The following PRORP variants were observed in gnomAD, a reference collection of about 807,000 sequenced individuals.
PRORP encodes the protein mitochondrial ribonuclease P catalytic subunit.
PRORP carries 51 observed loss-of-function variants against 59.4 expected under a neutral mutation model. The observed-to-expected ratio is 0.86, with a 90% confidence interval of 0.69 to 1.08. The LOEUF is 1.08. Ranked by LOEUF, PRORP falls within the 50% of genes least tolerant of loss-of-function variation. PRORP has a pLI of 0.00. For synonymous variants in PRORP, 231 were observed against 245.6 expected, an observed-to-expected ratio of 0.94 and a Z score of 0.55; for missense variants, 646 against 690.3, an observed-to-expected ratio of 0.94 and a Z score of 0.72.
intron 3 of PRORP, 63 bp from the exon 4 acceptor site, chr14:35,127,415 AT>A (rs771117392): frequency 3.0e-5 from 37 of 1,251,762 alleles, no homozygotes; most frequent in East Asian, 1.7e-4. Flanking sequence ...CATTTCACAA[AT>A]TTTTTTCCCC....
At chr14:35,167,298 T>C (rs954051843) in intron 4 of PRORP, among the ~76,000 whole-genome samples, 22 of 152,342 alleles carry the variant, frequency 1.4e-4, no homozygotes, top group Middle Eastern at 6.8e-3. Context: ...CATCACTGTT[T>C]TTTCTGTTTA....
intron 4 of PRORP, among the ~76,000 whole-genome samples, chr14:35,171,002 A>C (rs983569567): frequency 1.3e-5 from 2 of 152,076 alleles, no homozygotes; most frequent in Non-Finnish European, 1.5e-5. Context: ...GGCGTGTGCC[A>C]CCACACCCAG....
chr14:35,267,370 T>A (rs2051066995), intron 6 of PRORP, among the ~76,000 whole-genome samples: 1 of 152,054 alleles, frequency 6.6e-6, no homozygotes, highest in Non-Finnish European at 1.5e-5. Context: ...AAGGGATAGG[T>A]CAGAGGGTTG....
At chr14:35,257,359 A>G (rs1303773312) in intron 5 of PRORP, among the ~76,000 whole-genome samples, 1 of 152,000 alleles carries the variant, frequency 6.6e-6, no homozygotes, top group African/African-American at 2.4e-5. Flanking sequence ...ATAGCTCCTC[A>G]TTCTCCTCTC....
intron 5 of PRORP, among the ~76,000 whole-genome samples, chr14:35,227,171 C>T (rs1008091833): frequency 1.6e-4 from 24 of 151,684 alleles, no homozygotes; most frequent in South Asian, 4.2e-4. Flanking sequence ...TAGCCAGGCG[C>T]GGTGGCTCAT....
chr14:35,266,438 C>T (rs1031197296), intron 5 of PRORP, among the ~76,000 whole-genome samples: 6 of 152,126 alleles, frequency 3.9e-5, no homozygotes, highest in Admixed American at 3.3e-4. Flanking sequence ...GCTATGATTG[C>T]ACCTGTGCAC....
At chr14:35,172,734 A>AT (rs1350931670) in intron 4 of PRORP, among the ~76,000 whole-genome samples, 3 of 150,758 alleles carry the variant, frequency 2.0e-5, no homozygotes, top group Non-Finnish European at 1.5e-5. Flanking sequence ...TTTTAAGCTA[A>AT]TTTTTTTATT....
At chr14:35,256,467 G>C (rs778568632) in intron 5 of PRORP, among the ~76,000 whole-genome samples, 2 of 149,610 alleles carry the variant, frequency 1.3e-5, no homozygotes, top group African/African-American at 4.9e-5. Context: ...GAGCATCTGC[G>C]ATTACAGGCG....
chr14:35,235,747 C>G, intron 5 of PRORP: 2 of 232,662 alleles, frequency 8.6e-6, no homozygotes, highest in South Asian at 1.2e-4. Context: ...ATTCTTACAG[C>G]TGTTATTGGT....
intron 5 of PRORP, among the ~76,000 whole-genome samples, chr14:35,184,461 T>C (rs2048694312): frequency 6.6e-6 from 1 of 152,182 alleles, no homozygotes; most frequent in Non-Finnish European, 1.5e-5. Flanking sequence ...CTCAGTTGAA[T>C]TAGTTATATT....
intron 4 of PRORP, among the ~76,000 whole-genome samples, chr14:35,163,200 C>T (rs1271199719): frequency 4.6e-5 from 7 of 151,936 alleles, no homozygotes; most frequent in Admixed American, 2.0e-4. Flanking sequence ...TCCTATTACC[C>T]GTGGCTTTTA....
intron 5 of PRORP, among the ~76,000 whole-genome samples, chr14:35,203,450 C>A (rs1229376269): frequency 1.3e-5 from 2 of 152,158 alleles, no homozygotes; most frequent in East Asian, 3.9e-4. Context: ...TCACTTGACC[C>A]CAGGAAGTGG....
intron 5 of PRORP, among the ~76,000 whole-genome samples, chr14:35,243,042 C>G (rs576618395): frequency 9.2e-5 from 14 of 152,156 alleles, no homozygotes; most frequent in Non-Finnish European, 2.1e-4. Flanking sequence ...AAGTAATGGT[C>G]ACTCCAGGAA....
At chr14:35,177,411 C>G (rs973779169) in intron 4 of PRORP, among the ~76,000 whole-genome samples, 1 of 152,184 alleles carries the variant, frequency 6.6e-6, no homozygotes, top group Non-Finnish European at 1.5e-5. Context: ...ATTATTGCCT[C>G]AATTTCAGAT....
upstream of PRORP, chr14:35,122,238 G>A (rs952064694): frequency 6.6e-6 from 3 of 457,608 alleles, no homozygotes; most frequent in East Asian, 3.7e-5. Flanking sequence ...GGATTTTAAA[G>A]GCCACGATAA....
At chr14:35,208,736 T>C (rs1023244140) in intron 5 of PRORP, among the ~76,000 whole-genome samples, 6 of 152,168 alleles carry the variant, frequency 3.9e-5, no homozygotes, top group Non-Finnish European at 8.8e-5. Context: ...CCGGGCATGG[T>C]GGCTCACACC....
chr14:35,122,171 AC>A, upstream of PRORP: 1 of 571,056 alleles, frequency 1.8e-6, no homozygotes, highest in South Asian at 2.1e-5. Context: ...GGGGGAAAAA[AC>A]TATGAAAGAG....
chr14:35,266,089 G>A (rs1027146916), intron 5 of PRORP, among the ~76,000 whole-genome samples: 10 of 151,934 alleles, frequency 6.6e-5, no homozygotes, highest in South Asian at 4.2e-4. Flanking sequence ...AGGCTGAAGC[G>A]GGTGGGTCAC....
At chr14:35,158,594 A>T in intron 4 of PRORP, 1 of 300,762 alleles carries the variant, frequency 3.3e-6, no homozygotes, top group Non-Finnish European at 6.7e-6. Context: ...AGGAGCAGTG[A>T]AGTATAAACC....
Sources: gnomAD v4.1 joint callset for allele counts (sites outside exome capture counted in the v4.1 genomes callset) on GRCh38, gnomAD v4.1.1 for gene constraint, MANE v1.5 for transcripts, NCBI Gene and HGNC (gene_info 2026-07-23, HGNC 2026-07-21) for gene names.